CARS2: variants seen among roughly 807,000 people sequenced by gnomAD.
The protein encoded by CARS2 is probable cysteine--tRNA ligase, mitochondrial.
In CARS2, 52 loss-of-function variants were observed where a neutral mutation model predicts 68.8. The ratio of observed to expected loss-of-function variants is 0.76; its 90% CI spans 0.61 to 0.95. CARS2 has a LOEUF of 0.95. Among genes scored for constraint, CARS2 ranks in the 40% least tolerant of loss-of-function variants. The pLI, the probability that CARS2 is intolerant of heterozygous loss-of-function variation, is 0.00. For synonymous variants in CARS2, 314 were observed against 303.6 expected, an observed-to-expected ratio of 1.03 and a Z score of -0.36; for missense variants, 780 against 754.2, an observed-to-expected ratio of 1.03 and a Z score of -0.40.
exon 1 of CARS2, chr13:110,713,396 C>G (rs1594449527): frequency 2.9e-6 from 3 of 1,030,740 alleles, no homozygotes; most frequent in Non-Finnish European, 3.5e-6. Context: ...AGCGGGCGTG[C>G]TGTGCCGCCC....
At chr13:110,685,896 C>T (rs538727190) in intron 5 of CARS2, among the ~76,000 whole-genome samples, 1 of 149,660 alleles carries the variant, frequency 6.7e-6, no homozygotes, top group South Asian at 2.1e-4. Flanking sequence ...ATGAAACCAC[C>T]TGCAGTAAGC....
At chr13:110,692,514 G>C (rs1261513702) in intron 3 of CARS2, among the ~76,000 whole-genome samples, 1 of 149,854 alleles carries the variant, frequency 6.7e-6, no homozygotes, top group South Asian at 2.1e-4. Context: ...ATTTGATAGG[G>C]CTAGTCCCTC....
At chr13:110,708,898 T>A (rs1193835815), upstream of CARS2, among the ~76,000 whole-genome samples, 1 of 151,182 alleles carries the variant, frequency 6.6e-6, no homozygotes, top group African/African-American at 2.4e-5. Flanking sequence ...GGATTACAGG[T>A]GCGTGCCACC....
chr13:110,660,132 T>C (rs192177379), intron 9 of CARS2, among the ~76,000 whole-genome samples: 5 of 152,246 alleles, frequency 3.3e-5, no homozygotes, highest in Non-Finnish European at 7.3e-5. Context: ...TGCTCATCCA[T>C]AAGAAGCAAC....
chr13:110,712,731 A>G (rs1162345904), intron 1 of CARS2: 1 of 695,986 alleles, frequency 1.4e-6, no homozygotes, highest in Non-Finnish European at 2.6e-6. Context: ...AAGTGTGGGG[A>G]GCGGCCTCCG....
Position 110,705,703 on chromosome 13 carries a change from G to T in CARS2, c.225-132C>A. The T allele has an allele frequency of 6.6e-7, 1 of 1,506,560 alleles. No individual in the cohort carries two copies. 93.3% of individuals were successfully genotyped at this position (1,506,560 alleles called of 1,614,324 possible). ...ATGAATAGCCGGGGTTTTCATACTT[G>T]CTCAATTCACACCCAAACCTGCAAA... is the stretch of plus-strand genomic sequence containing the variant. On this transcript the variant is annotated intron_variant, in intron 1 of 14. Transcript: ENST00000257347. This position sits in a 1 kb window ranked among gnomAD's most constrained non-coding sequence, Gnocchi z 4.0.
intron 7 of CARS2, among the ~76,000 whole-genome samples, chr13:110,669,919 G>A (rs146651467): frequency 1.4e-4 from 22 of 152,184 alleles, no homozygotes; most frequent in African/African-American, 5.3e-4. Flanking sequence ...TATATCCTGC[G>A]CCTGGCTCGG....
chr13:110,665,607 GGTCATGGTT>G lies in CARS2; in HGVS notation c.919+1724_919+1732del. 2.0e-6 allele frequency: 2 copies of G among 985,382 alleles called. No homozygotes were observed. The highest frequency in any genetic ancestry group is 2.4e-6 in the Non-Finnish European group (2 of 829,944). 61.0% of individuals were successfully genotyped at this position (985,382 alleles called of 1,614,324 possible). A position where few individuals can be genotyped will look rare whatever the true frequency, so the allele number is the denominator to read the frequency against. ...CACACTCGCAGAAGGGCTCACAGCA[GGTCATGGTT>G]GTCAGTAACAAACCCTGACCTACTG... On this transcript the variant is annotated intron_variant, in intron 8 of 14. Transcript: ENST00000257347. This position sits in a 1 kb window ranked among gnomAD's most constrained non-coding sequence, Gnocchi z 4.3.
At chr13:110,688,090 G>A in intron 3 of CARS2, 72 bp from the exon 4 acceptor site, 1 of 1,042,228 alleles carries the variant, frequency 9.6e-7, no homozygotes, top group Non-Finnish European at 1.4e-6. Context: ...CCACAAGAAA[G>A]CCCACGTGCA....
chr13:110,658,238 T>A (rs1246617632), intron 9 of CARS2, among the ~76,000 whole-genome samples: 1 of 152,220 alleles, frequency 6.6e-6, no homozygotes, highest in Non-Finnish European at 1.5e-5. Flanking sequence ...CAGGTGAATC[T>A]TGAGAACACC....
At chr13:110,713,197 G>C (rs1303724897) in exon 1 of CARS2, 1 of 1,423,680 alleles carries the variant, frequency 7.0e-7, no homozygotes, top group Non-Finnish European at 9.1e-7. Flanking sequence ...CAAGTAGATT[G>C]GCTACTGCGG....
intron 11 of CARS2, chr13:110,646,779 G>A (rs1036201158): frequency 7.2e-6 from 2 of 277,890 alleles, no homozygotes; most frequent in Admixed American, 5.1e-5. Context: ...TGCCAGCGCC[G>A]TCTCCCTGGG....
At position 110,655,932 on chromosome 13, in the gene CARS2, C is replaced by T. The variant is rs142611853; in HGVS notation, c.988-4832G>A. 8.5e-3 allele frequency among the ~76,000 whole-genome samples: 1,290 copies of T among 152,280 alleles called. 14 individuals are homozygous for T. Among genetic ancestry groups the T allele is most frequent in the African/African-American group, 0.029 (1,212 of 41,538 alleles). On this transcript the variant is annotated intron_variant, in intron 9 of 14. Transcript: ENST00000257347. ...CTGCTGGGGAAGGAATGGGTGCAGG[C>T]GGGCTCCAGGCCAGCCTTCTCCATG...
chr13:110,679,043 T>C (rs2063059083), intron 6 of CARS2, among the ~76,000 whole-genome samples: 1 of 15,824 alleles, frequency 6.3e-5, no homozygotes, highest in South Asian at 2.4e-3. Context: ...TTACCACACA[T>C]GTGAACAGAC....
chr13:110,690,412 T>C (rs746771820), intron 3 of CARS2, among the ~76,000 whole-genome samples: 9 of 152,112 alleles, frequency 5.9e-5, no homozygotes, highest in Non-Finnish European at 1.0e-4. Flanking sequence ...ATATATACAT[T>C]TGCATCTTTT....
chr13:110,685,053 A>T (rs2063259625), intron 5 of CARS2, among the ~76,000 whole-genome samples: 1 of 152,142 alleles, frequency 6.6e-6, no homozygotes, highest in African/African-American at 2.4e-5. Context: ...ATCCCTAAAG[A>T]CTCGTGAACA....
At chr13:110,698,596 C>T (rs1302811919) in intron 3 of CARS2, among the ~76,000 whole-genome samples, 1 of 151,934 alleles carries the variant, frequency 6.6e-6, no homozygotes, top group Non-Finnish European at 1.5e-5. Flanking sequence ...TTGTCCCCTC[C>T]AAAACTCATG....
In CARS2 at chr13:110,705,879, G is replaced by A; in HGVS notation, c.215C>T (p.Ala72Val). 6.4e-7 allele frequency: 1 copy of A among 1,562,414 alleles called. No homozygotes were observed. The highest frequency in any genetic ancestry group is 1.2e-5 in the South Asian group (1 of 85,222). ...GTCCCGCGCGGCCCACCAGGAGGCGGCTTCGGCGTGCGCCACGATTAGGGG... is the reference window on the plus strand; with the variant it reads ...GTCCCGCGCGGCCCACCAGGAGGCGACTTCGGCGTGCGCCACGATTAGGGG... ...KEPLIVAHAE[A>V]ASWYSCGPTV... The change falls in exon 1 of 15, where the codon GCC becomes GTC. Residue 72 changes from alanine to valine, a missense_variant. Transcript: ENST00000257347. The surrounding 1 kb of genome is among the most constrained non-coding windows in gnomAD (Gnocchi z 4.0).
Position 110,663,799 on chromosome 13 carries a change from G to A in CARS2, c.920-281C>T, listed in dbSNP as rs1466537999. 25 of 1,217,066 alleles carry A rather than the reference G, an allele frequency of 2.1e-5. No homozygotes were observed. The East Asian group carries it at 2.5e-4, about 12-fold the overall frequency. 75.4% of individuals were successfully genotyped at this position (1,217,066 alleles called of 1,614,324 possible). A position where few individuals can be genotyped will look rare whatever the true frequency, so the allele number is the denominator to read the frequency against. On this transcript the variant is annotated intron_variant, in intron 8 of 14. Coordinates refer to ENST00000257347, the MANE Select transcript of CARS2 (RefSeq NM_024537.4). ...AGAAGCTAAACAAGAGCCAGCAACCGTGGTACTGACAGCAGTATTTCATCT... is the reference window on the plus strand; with the variant it reads ...AGAAGCTAAACAAGAGCCAGCAACCATGGTACTGACAGCAGTATTTCATCT...
Sources: allele counts gnomAD v4.1 joint callset (sites outside exome capture counted in the v4.1 genomes callset), GRCh38; gene constraint gnomAD v4.1.1; non-coding constraint Gnocchi (gnomAD v3.1); transcripts MANE v1.5; gene names NCBI Gene and HGNC (gene_info 2026-07-23, HGNC 2026-07-21).